Variants in GRIN2A observed in about 807,000 individuals in gnomAD.
GRIN2A encodes glutamate ionotropic receptor NMDA type subunit 2A.
GRIN2A carries 22 observed loss-of-function variants against 113.4 expected under a neutral mutation model. The observed-to-expected ratio is 0.19, with a 90% CI of 0.14 to 0.28. GRIN2A has a LOEUF of 0.28. GRIN2A is among the 10% of genes least tolerant of loss of function. The probability of loss-of-function intolerance (pLI) is 1.00; values close to 1 mark genes in which losing one functional copy is unlikely to be tolerated. For missense variants in GRIN2A, 1,502 were observed against 1,887.0 expected (o/e 0.80, Z 3.78); for synonymous variants, 827 against 738.4 (o/e 1.12, Z -1.94).
At position 9,824,879 on chromosome 16, in the gene GRIN2A, C is replaced by A. The variant is rs74500972; in HGVS notation, c.2008-2455G>T. 2.1e-3 allele frequency among the ~76,000 whole-genome samples: 323 copies of A among 152,166 alleles called. 1 individual carries two copies. Among genetic ancestry groups the A allele is most frequent in the African/African-American group, 7.3e-3 (304 of 41,524 alleles). On this transcript the variant is annotated intron_variant, in intron 9 of 12. Transcript: ENST00000330684. ...TACAGCGTGAAAAACAGTGAGGGGGCAAGGATGGCTCATCTATTAAGTCCC... is the reference window on the plus strand; with the variant it reads ...TACAGCGTGAAAAACAGTGAGGGGGAAAGGATGGCTCATCTATTAAGTCCC...
intron 2 of GRIN2A, among the ~76,000 whole-genome samples, chr16:10,118,537 A>G (rs1268914771): frequency 6.6e-6 from 1 of 152,172 alleles, no homozygotes; most frequent in East Asian, 1.9e-4. Context: ...CTCTGAAAAT[A>G]TTTTACATGC....
intron 9 of GRIN2A, 59 bp from the exon 10 acceptor site, chr16:9,822,483 G>A (rs756771502): frequency 1.5e-5 from 17 of 1,136,638 alleles, no homozygotes; most frequent in Non-Finnish European, 2.1e-5. Context: ...AGGGAGGAGG[G>A]GGAGGAGAGA....
intron 7 of GRIN2A, among the ~76,000 whole-genome samples, chr16:9,835,351 T>C (rs2042568093): frequency 1.3e-5 from 2 of 152,206 alleles, no homozygotes; most frequent in African/African-American, 4.8e-5. Context: ...AGTAGGTGGA[T>C]GTCTTAGAAG....
intron 2 of GRIN2A, among the ~76,000 whole-genome samples, chr16:10,082,926 A>T (rs1445837843): frequency 8.7e-6 from 1 of 115,084 alleles, no homozygotes; most frequent in East Asian, 2.9e-4. Flanking sequence ...TAACTGGCCC[A>T]TTTTCTTTTC....
chr16:9,977,937 T>C (rs2141763088), intron 2 of GRIN2A, among the ~76,000 whole-genome samples: 1 of 152,292 alleles, frequency 6.6e-6, no homozygotes, highest in East Asian at 1.9e-4. Flanking sequence ...ACAACGAAGA[T>C]GAAGAAAAAG....
chr16:10,100,274 G>A lies in GRIN2A; in HGVS notation c.414+79724C>T, dbSNP rs898770299. On this transcript the variant is annotated intron_variant, in intron 2 of 12. Transcript: ENST00000330684. Reference sequence around the variant, plus strand: ...TTTTCAGCAGAGAAACAACATGATCGGGTTTGCATTTTGAAAGATCCCACT... The same window carrying A: ...TTTTCAGCAGAGAAACAACATGATCAGGTTTGCATTTTGAAAGATCCCACT... Among the ~76,000 whole-genome samples, 9 of 152,286 alleles carry A rather than the reference G, an allele frequency of 5.9e-5. No individual in the cohort carries two copies. In the South Asian group the frequency reaches 1.7e-3, roughly 28 times the overall value.
intron 2 of GRIN2A, among the ~76,000 whole-genome samples, chr16:9,993,393 A>T (rs1001853582): frequency 4.6e-5 from 7 of 151,922 alleles, no homozygotes; most frequent in Non-Finnish European, 1.0e-4. Context: ...CTACAAAAAA[A>T]TTTTTAAAAA....
chr16:9,778,915 C>G (rs1901773950), intron 11 of GRIN2A, among the ~76,000 whole-genome samples: 1 of 152,178 alleles, frequency 6.6e-6, no homozygotes, highest in Non-Finnish European at 1.5e-5. Flanking sequence ...ATGAAAGGTG[C>G]AAATTCAATA....
At chr16:10,165,511 C>CATATATAT (rs58396840) in intron 2 of GRIN2A, among the ~76,000 whole-genome samples, 1 of 138,764 alleles carries the variant, frequency 7.2e-6, no homozygotes, top group Non-Finnish European at 1.5e-5. Context: ...TATATATATA[C>CATATATAT]ATATATATAT....
At chr16:9,920,396 C>T (rs1258553087) in intron 3 of GRIN2A, among the ~76,000 whole-genome samples, 1 of 152,144 alleles carries the variant, frequency 6.6e-6, no homozygotes, top group Non-Finnish European at 1.5e-5. Context: ...GTCCTGCATT[C>T]AGAGTTCTAA....
At chr16:9,816,888 CATT>C (rs1233066057) in intron 10 of GRIN2A, among the ~76,000 whole-genome samples, 1 of 152,196 alleles carries the variant, frequency 6.6e-6, no homozygotes, top group Non-Finnish European at 1.5e-5. Context: ...GCTTGAGAAG[CATT>C]AGCCTAGAAA....
chr16:9,828,218 G>A (rs112271681), intron 9 of GRIN2A, among the ~76,000 whole-genome samples: 2,937 of 152,282 alleles, frequency 0.019, 84 homozygotes, highest in African/African-American at 0.062. Context: ...GGAAGGAAAC[G>A]TGGGAGCAGG....
At chr16:9,768,615 G>C (rs1901066254) in intron 12 of GRIN2A, among the ~76,000 whole-genome samples, 1 of 152,170 alleles carries the variant, frequency 6.6e-6, no homozygotes, top group East Asian at 1.9e-4. Context: ...CACGTCATCT[G>C]TGCTATTTTT....
At chr16:10,150,443 A>C (rs2142289978) in intron 2 of GRIN2A, among the ~76,000 whole-genome samples, 1 of 152,310 alleles carries the variant, frequency 6.6e-6, no homozygotes, top group Non-Finnish European at 1.5e-5. Context: ...TTCAGGAGAA[A>C]AACAAAACCA....
At chr16:10,022,988 C>G (rs1228060718) in intron 2 of GRIN2A, among the ~76,000 whole-genome samples, 1 of 152,180 alleles carries the variant, frequency 6.6e-6, no homozygotes, top group African/African-American at 2.4e-5. Context: ...TAGATTAACA[C>G]AGGAATCTAA....
At chr16:10,151,799 A>T (rs2049582126) in intron 2 of GRIN2A, among the ~76,000 whole-genome samples, 1 of 152,210 alleles carries the variant, frequency 6.6e-6, no homozygotes, top group Non-Finnish European at 1.5e-5. Flanking sequence ...AAGGCTCCCC[A>T]AGTGGAATTA....
intron 2 of GRIN2A, among the ~76,000 whole-genome samples, chr16:10,065,267 G>A (rs1039203113): frequency 2.0e-5 from 3 of 152,198 alleles, no homozygotes; most frequent in Non-Finnish European, 4.4e-5. Flanking sequence ...CCAGCCAAGA[G>A]CATGCTGTGT....
At chr16:9,971,007 G>T (rs140856586) in intron 2 of GRIN2A, among the ~76,000 whole-genome samples, 9 of 150,562 alleles carry the variant, frequency 6.0e-5, no homozygotes, top group East Asian at 3.9e-4. Flanking sequence ...AGGCAAGACT[G>T]GGGGGAAGGG....
intron 2 of GRIN2A, among the ~76,000 whole-genome samples, chr16:10,106,358 C>T (rs1399200286): frequency 6.6e-6 from 1 of 151,612 alleles, no homozygotes; most frequent in Non-Finnish European, 1.5e-5. Flanking sequence ...ACCAGGAATT[C>T]GAGACCAACC....
Sources: gnomAD v4.1 joint callset for allele counts (sites outside exome capture counted in the v4.1 genomes callset) on GRCh38, gnomAD v4.1.1 for gene constraint, MANE v1.5 for transcripts, NCBI Gene and HGNC (gene_info 2026-07-23, HGNC 2026-07-21) for gene names.